The following ITGB3 variants were observed in gnomAD, a reference collection of about 807,000 sequenced individuals.
ITGB3 encodes the protein integrin beta-3.
Under a neutral mutation model 85.8 loss-of-function variants are expected in ITGB3, and 48 were observed. The ratio of observed to expected loss-of-function variants is 0.56; its 90% confidence interval spans 0.44 to 0.71. ITGB3 has a LOEUF of 0.71. ITGB3 is among the 30% of genes least tolerant of loss of function. The pLI, the probability that ITGB3 is intolerant of heterozygous loss-of-function variation, is 0.00. For synonymous variants in ITGB3, 363 were observed against 395.6 expected (o/e 0.92, Z 0.98); for missense variants, 861 against 1,019.1 (o/e 0.84, Z 2.11).
chr17:47,313,173 C>CTT lies in ITGB3; in HGVS notation c.*2969_*2970insTT, dbSNP rs1216562904. Among the ~76,000 whole-genome samples, 181 of 149,814 alleles carry CTT rather than the reference C, an allele frequency of 1.2e-3. 2 individuals are homozygous for CTT. The highest frequency in any genetic ancestry group is 7.0e-3 in the South Asian group (33 of 4,710). On this transcript the variant is annotated 3_prime_UTR_variant, in exon 15 of 15. Coordinates refer to ENST00000559488, the MANE Select transcript of ITGB3 (RefSeq NM_000212.3). ...ATTTTTAGTAGAGACGGGGTTTCAC[C>CTT]ATGTTGGCCAGGCTGGTCTCGAACT...
rs1388119954 is a variant in ITGB3, at chr17:47,289,636, A to T, written c.940-45A>T. 3 of 1,339,350 alleles carry T rather than the reference A, an allele frequency of 2.2e-6. No individual in the cohort carries two copies. In the African/African-American group the frequency reaches 4.3e-5, roughly 19 times the overall value. The allele number at this position is 1,339,350 out of a possible 1,614,324, so 83.0% of individuals were successfully genotyped here. On this transcript the variant is annotated intron_variant, in intron 6 of 14. Transcript: ENST00000559488. ...AAGTTCTAAGCTTTAGACCCTAGAG[A>T]TGTACATGAGACGTCATTAACCTCT...
intron 2 of ITGB3, among the ~76,000 whole-genome samples, chr17:47,282,953 G>A (rs1377414550): frequency 6.6e-6 from 1 of 152,190 alleles, no homozygotes; most frequent in Non-Finnish European, 1.5e-5. Context: ...ACCCACAAAT[G>A]TGTGGTATTC....
At chr17:47,282,380 A>G (rs2065086885) in intron 2 of ITGB3, among the ~76,000 whole-genome samples, 1 of 152,208 alleles carries the variant, frequency 6.6e-6, no homozygotes, top group Admixed American at 6.5e-5. Flanking sequence ...CCATCAAAAC[A>G]GTAATTCTCT....
intron 1 of ITGB3, among the ~76,000 whole-genome samples, chr17:47,254,786 C>G (rs2064982447): frequency 6.6e-6 from 1 of 152,192 alleles, no homozygotes; most frequent in African/African-American, 2.4e-5. Context: ...GGTTGCTGCC[C>G]GTGGTCCTCT....
chr17:47,269,649 C>T (rs1254521600), intron 1 of ITGB3, among the ~76,000 whole-genome samples: 1 of 152,218 alleles, frequency 6.6e-6, no homozygotes, highest in African/African-American at 2.4e-5. Context: ...AAGTTCCAAA[C>T]TTTACCACAT....
At chr17:47,261,346 G>C (rs1165523849) in intron 1 of ITGB3, among the ~76,000 whole-genome samples, 3 of 152,052 alleles carry the variant, frequency 2.0e-5, no homozygotes, top group Non-Finnish European at 4.4e-5. Context: ...AAAAAAGGCA[G>C]CTCAGAAATA....
rs780812894 is a variant in ITGB3 at position 47,310,167 on chromosome 17, C to T, written c.2330C>T (p.Thr777Met). ...TANNPLYKEA[T>M]STFTNITYRG... Reference sequence around the variant, plus strand: ...AACAACCCACTGTATAAAGAGGCCACGTCTACCTTCACCAATATCACGTAC... The same window carrying T: ...AACAACCCACTGTATAAAGAGGCCATGTCTACCTTCACCAATATCACGTAC... The change falls in exon 15 of 15, where the codon ACG (threonine) becomes ATG (methionine). Residue 777 changes from threonine (T) to methionine (M), a missense_variant. By Grantham distance (81) the Thr-to-Met change is moderately conservative (BLOSUM62 -1). Transcript: ENST00000559488. 21 of 1,613,956 alleles carry T rather than the reference C, an allele frequency of 1.3e-5. No individual in the cohort carries two copies. Among genetic ancestry groups the T allele is most frequent in the South Asian group, 6.6e-5 (6 of 91,080 alleles).
intron 13 of ITGB3, among the ~76,000 whole-genome samples, chr17:47,305,987 T>C (rs1300464297): frequency 6.6e-6 from 1 of 152,186 alleles, no homozygotes; most frequent in Non-Finnish European, 1.5e-5. Flanking sequence ...ATTTTAAAGA[T>C]GGAGAAACAG....
intron 2 of ITGB3, among the ~76,000 whole-genome samples, chr17:47,280,934 G>A (rs2065081810): frequency 6.6e-6 from 1 of 152,150 alleles, no homozygotes; most frequent in South Asian, 2.1e-4. Context: ...ATTACAGTCA[G>A]ACAATCTAGC....
intron 4 of ITGB3, 54 bp downstream of exon 4, chr17:47,284,749 AG>A: frequency 6.2e-7 from 1 of 1,608,726 alleles, no homozygotes; most frequent in East Asian, 2.2e-5. Context: ...GGAAGGTCCA[AG>A]TCCTGGTTCC....
At chr17:47,297,162 G>T (rs1567768027) in intron 10 of ITGB3, among the ~76,000 whole-genome samples, 1 of 152,156 alleles carries the variant, frequency 6.6e-6, no homozygotes, top group Non-Finnish European at 1.5e-5. Flanking sequence ...CTTCTGGAAA[G>T]ACCATATTAG....
chr17:47,288,336 G>C (rs138385611), intron 6 of ITGB3, among the ~76,000 whole-genome samples: 6,226 of 152,140 alleles, frequency 0.041, 186 homozygotes, highest in Middle Eastern at 0.16. Context: ...GAAGGCTAAA[G>C]GATGATTTAG....
intron 10 of ITGB3, among the ~76,000 whole-genome samples, chr17:47,296,255 G>A (rs2065145578): frequency 6.6e-6 from 1 of 152,198 alleles, no homozygotes; most frequent in African/African-American, 2.4e-5. Flanking sequence ...TTCCTGGGAA[G>A]CAGACATTTC....
chr17:47,274,367 G>A (rs1238918792), intron 1 of ITGB3, 52 bp from the exon 2 acceptor site: 3 of 1,533,754 alleles, frequency 2.0e-6, no homozygotes, highest in African/African-American at 1.4e-5. Context: ...AGGCAGGCAA[G>A]TACCTTCACT....
chr17:47,304,243 C>T (rs985337237), intron 13 of ITGB3, among the ~76,000 whole-genome samples: 6 of 152,238 alleles, frequency 3.9e-5, no homozygotes, highest in Admixed American at 3.9e-4. Context: ...CCTCCCTGCT[C>T]ATCTCCCAGC....
At position 47,283,211 on chromosome 17, in the gene ITGB3, T is replaced by C. The variant is rs2065089909; in HGVS notation, c.166-143T>C. 4.7e-6 allele frequency: 4 copies of C among 853,006 alleles called. No individual in the cohort carries two copies. In the Admixed American group the frequency reaches 8.0e-5, roughly 17 times the overall value. The allele number at this position is 853,006 out of a possible 1,614,324, so 52.8% of individuals were successfully genotyped here. A position where few individuals can be genotyped will look rare whatever the true frequency, so the allele number is the denominator to read the frequency against. On this transcript the variant is annotated intron_variant, in intron 2 of 14. Coordinates refer to ENST00000559488, the MANE Select transcript of ITGB3 (RefSeq NM_000212.3). ...TCTGTACAACGGTCCTAAGGGATTA[T>C]CCCAGGAAAGACCACAACAATTTGT...
At chr17:47,278,457 G>A (rs1326745158) in intron 2 of ITGB3, among the ~76,000 whole-genome samples, 3 of 152,098 alleles carry the variant, frequency 2.0e-5, no homozygotes, top group African/African-American at 7.2e-5. Context: ...GCGCAGGCCT[G>A]TAACCCCAGC....
rs749477357 is a variant in ITGB3, at chr17:47,291,046, C to T, written c.1218C>T (p.Ile406=). The T allele has an allele frequency of 6.2e-7, 1 of 1,614,062 alleles. No individual in the cohort carries two copies. Among genetic ancestry groups the T allele is most frequent in the Admixed American group, 1.7e-5 (1 of 60,024 alleles). ...CCACCTGCCTCAACAATGAGGTCAT[C>T]CCTGGCCTCAAGTCTTGTATGGGAC... ...FNATCLNNEV[I]PGLKSCMGLK... Residue 406 remains isoleucine, a synonymous_variant, in exon 9 of 15, where the codon ATC becomes ATT. Transcript: ENST00000559488.
chr17:47,300,692 G>A lies in ITGB3; in HGVS notation c.2014+114G>A. On this transcript the variant is annotated intron_variant, in intron 12 of 14. Transcript: ENST00000559488. ...AATGGAAGCGTGACTTCTACCTCAG[G>A]GAATGTTGTGCAGGCTTGAGGAACA... 3 of 776,992 alleles carry A rather than the reference G, an allele frequency of 3.9e-6. No homozygotes were observed. In the Admixed American group the frequency reaches 6.0e-5, roughly 16 times the overall value. The allele number at this position is 776,992 out of a possible 1,614,324, so 48.1% of individuals were successfully genotyped here.
Sources: allele counts gnomAD v4.1 joint callset (sites outside exome capture counted in the v4.1 genomes callset), GRCh38; gene constraint gnomAD v4.1.1; transcripts MANE v1.5; gene names NCBI Gene and HGNC (gene_info 2026-07-23, HGNC 2026-07-21).